The following HUNK variants were observed in gnomAD, a reference collection of about 807,000 sequenced individuals.
HUNK encodes hormonally up-regulated Neu-associated kinase, also known as hormonally up-regulated neu tumor-associated kinase.
HUNK carries 21 observed loss-of-function variants against 61.0 expected under a neutral mutation model. That is an observed-to-expected ratio of 0.34 (90% CI 0.24 to 0.50). The LOEUF (loss-of-function observed/expected upper bound fraction) is 0.50, where lower values mean the gene tolerates loss of function less well. Ranked by LOEUF, HUNK falls within the 20% of genes least tolerant of loss-of-function variation. The pLI is 0.98. For missense variants in HUNK, 772 were observed against 945.7 expected (o/e 0.82, Z 2.41); for synonymous variants, 371 against 386.1 (o/e 0.96, Z 0.46).
intron 6 of HUNK, among the ~76,000 whole-genome samples, chr21:31,971,986 G>A (rs747005326): frequency 2.0e-5 from 3 of 151,982 alleles, no homozygotes; most frequent in South Asian, 2.1e-4. Flanking sequence ...TGCTACCATC[G>A]CCAGCTAAGT....
intron 1 of HUNK, among the ~76,000 whole-genome samples, chr21:31,884,705 A>C (rs756409676): frequency 6.6e-6 from 1 of 152,176 alleles, no homozygotes; most frequent in Non-Finnish European, 1.5e-5. Flanking sequence ...CGCCCTCATC[A>C]GACACTGGAT....
At chr21:31,932,159 CAT>C (rs891923587) in intron 2 of HUNK, among the ~76,000 whole-genome samples, 8 of 152,220 alleles carry the variant, frequency 5.3e-5, no homozygotes, top group African/African-American at 9.6e-5. Flanking sequence ...CACACAAACT[CAT>C]GTGTACTTAC....
chr21:31,955,450 G>A (rs1156383908), intron 4 of HUNK, among the ~76,000 whole-genome samples: 1 of 150,786 alleles, frequency 6.6e-6, no homozygotes, highest in Non-Finnish European at 1.5e-5. Context: ...AAATAGCCAG[G>A]CCTGGTGGCA....
In HUNK at chr21:31,911,003, G is replaced by A. The variant is rs147005738; in HGVS notation, c.262-13465G>A. 3.8e-3 allele frequency among the ~76,000 whole-genome samples: 586 copies of A among 152,224 alleles called. 5 individuals are homozygous for A. The highest frequency in any genetic ancestry group is 0.013 in the African/African-American group (554 of 41,532). ...GTGAATTATTTTCCCCAACATTTCTGATCTGAGGTTGGAACCCATGGAAGG... is the reference window on the plus strand; with the variant it reads ...GTGAATTATTTTCCCCAACATTTCTAATCTGAGGTTGGAACCCATGGAAGG... On this transcript the variant is annotated intron_variant, in intron 1 of 10. Transcript: ENST00000270112.
Position 31,995,850 on chromosome 21 carries a change from C to T in HUNK, c.1388C>T (p.Ser463Leu), listed in dbSNP as rs765969721. The change falls in exon 10 of 11, where the codon TCG becomes TTG. Residue 463 changes from serine (S) to leucine (L), a missense_variant. By Grantham distance (145) the Ser-to-Leu change is moderately radical (BLOSUM62 -2). Around this residue, in one of 2 missense-constraint regions of HUNK, gnomAD observed 413 missense variants for 444.4 expected, o/e 0.93. Coordinates refer to ENST00000270112, the MANE Select transcript of HUNK (RefSeq NM_014586.2). ...AAGAAGTTGGACAAGAACCTGCCCT[C>T]GCACAAACAGCCCTCAGGCTCGCTT... is the stretch of plus-strand genomic sequence containing the variant. The part of the protein sequence containing the change: ...FSKKLDKNLP[S>L]HKQPSGSLMT... 11 of 1,613,804 alleles carry T rather than the reference C, an allele frequency of 6.8e-6. No homozygotes were observed. Among genetic ancestry groups the T allele is most frequent in the South Asian group, 4.4e-5 (4 of 91,090 alleles).
intron 2 of HUNK, among the ~76,000 whole-genome samples, chr21:31,931,190 C>T (rs1255475102): frequency 6.6e-6 from 1 of 151,780 alleles, no homozygotes; most frequent in Non-Finnish European, 1.5e-5. Flanking sequence ...CATCTTGTGA[C>T]CATCCCTGTA....
chr21:31,969,477 C>A (rs1376960270), intron 6 of HUNK, among the ~76,000 whole-genome samples: 1 of 152,196 alleles, frequency 6.6e-6, no homozygotes, highest in Non-Finnish European at 1.5e-5. Context: ...AGACAGGAAC[C>A]CACAGCATAG....
chr21:31,915,071 T>A (rs1315165961), intron 1 of HUNK, among the ~76,000 whole-genome samples: 6 of 138,128 alleles, frequency 4.3e-5, no homozygotes, highest in East Asian at 4.2e-4. Context: ...TTTTTTTTTT[T>A]ATATTTGCTT....
intron 1 of HUNK, among the ~76,000 whole-genome samples, chr21:31,918,353 C>T (rs1351328215): frequency 2.6e-5 from 4 of 152,146 alleles, no homozygotes; most frequent in Non-Finnish European, 5.9e-5. Flanking sequence ...ATGGAGGGAA[C>T]CTTGATGGCA....
chr21:31,962,904 T>C (rs2052938382), intron 5 of HUNK, among the ~76,000 whole-genome samples: 1 of 152,230 alleles, frequency 6.6e-6, no homozygotes, highest in African/African-American at 2.4e-5. Context: ...ATAGATTATT[T>C]TGATTACTCA....
At position 31,873,473 on chromosome 21, in the gene HUNK, C is replaced by G; in HGVS notation, c.-202C>G. 1 of 225,482 alleles carries G rather than the reference C, an allele frequency of 4.4e-6. No individual in the cohort carries two copies. The highest frequency in any genetic ancestry group is 1.8e-4 in the East Asian group (1 of 5,426). The allele number at this position is 225,482 out of a possible 1,614,324, so 14.0% of individuals were successfully genotyped here. On this transcript the variant is annotated 5_prime_UTR_variant, in exon 1 of 11. Coordinates refer to ENST00000270112, the MANE Select transcript of HUNK (RefSeq NM_014586.2). The surrounding 1 kb of genome is among the most constrained non-coding windows in gnomAD (Gnocchi z 6.1). Reference sequence around the variant, plus strand: ...GGCGGGGTCCCCGGTCCCGCGTCCCCTGGGCAGCCGCTATTGTCTACGCGC... The same window carrying G: ...GGCGGGGTCCCCGGTCCCGCGTCCCGTGGGCAGCCGCTATTGTCTACGCGC...
At position 31,924,460 on chromosome 21, in the gene HUNK, C is replaced by A; in HGVS notation, c.262-8C>A. 1.2e-6 allele frequency: 2 copies of A among 1,610,276 alleles called. No individual in the cohort carries two copies. Among genetic ancestry groups the A allele is most frequent in the Non-Finnish European group, 1.7e-6 (2 of 1,178,490 alleles). ...CTGATAACAGGCATGTTCTTGTTTT[C>A]TCCTTAGGTGGCCATAAAAGTCATT... On this transcript the variant is annotated splice_polypyrimidine_tract_variant and splice_region_variant and intron_variant, in intron 1 of 10. Transcript: ENST00000270112. The surrounding 1 kb of genome is among the most constrained non-coding windows in gnomAD (Gnocchi z 5.1).
At chr21:31,961,652 C>A (rs922355532) in intron 5 of HUNK, among the ~76,000 whole-genome samples, 1 of 152,180 alleles carries the variant, frequency 6.6e-6, no homozygotes, top group Admixed American at 6.5e-5. Context: ...TAGATGCAGT[C>A]TTTCAAAGCA....
At chr21:31,978,214 T>G (rs1024245253) in intron 7 of HUNK, among the ~76,000 whole-genome samples, 23 of 152,194 alleles carry the variant, frequency 1.5e-4, no homozygotes, top group African/African-American at 5.3e-4. Flanking sequence ...ACCAAAAAAA[T>G]GGTATATATT....
chr21:31,943,512 A>G (rs2052782486), intron 3 of HUNK, among the ~76,000 whole-genome samples: 1 of 152,238 alleles, frequency 6.6e-6, no homozygotes, highest in Admixed American at 6.5e-5. Context: ...TACAGTTTTA[A>G]TAATTTCAAT....
At chr21:31,954,928 G>A (rs1020829110) in intron 4 of HUNK, among the ~76,000 whole-genome samples, 33 of 152,142 alleles carry the variant, frequency 2.2e-4, no homozygotes, top group African/African-American at 6.7e-4. Flanking sequence ...ACTTACAGGC[G>A]CATGCCACCA....
chr21:31,950,941 A>T (rs2123835330), intron 4 of HUNK, among the ~76,000 whole-genome samples: 1 of 152,210 alleles, frequency 6.6e-6, no homozygotes, highest in African/African-American at 2.4e-5. Flanking sequence ...TCTGAGATAG[A>T]TTTAGGAAGA....
At chr21:31,913,665 G>A (rs1003755181) in intron 1 of HUNK, among the ~76,000 whole-genome samples, 1 of 151,942 alleles carries the variant, frequency 6.6e-6, no homozygotes, top group African/African-American at 2.4e-5. Context: ...AGAGGTGTGA[G>A]CAGGACAGGC....
intron 3 of HUNK, among the ~76,000 whole-genome samples, chr21:31,944,201 T>G (rs1364710693): frequency 2.0e-5 from 3 of 152,216 alleles, no homozygotes; most frequent in Non-Finnish European, 4.4e-5. Flanking sequence ...TGCCTCAGCC[T>G]CCCGAGTAGC....
Sources: allele counts gnomAD v4.1 joint callset (sites outside exome capture counted in the v4.1 genomes callset), GRCh38; gene constraint gnomAD v4.1.1; regional missense constraint gnomAD v4.1.1; non-coding constraint Gnocchi (gnomAD v3.1); transcripts MANE v1.5; gene names NCBI Gene and HGNC (gene_info 2026-07-23, HGNC 2026-07-21).